The following XKR9 variants were observed in gnomAD, a reference collection of about 807,000 sequenced individuals.
XKR9 encodes the protein XK-related protein 9.
A neutral mutation model predicts 32.0 loss-of-function variants in XKR9; 32 were observed. That is an observed-to-expected ratio of 1.00 (90% CI 0.76 to 1.34). The LOEUF is 1.34. Ranked by LOEUF, XKR9 falls within the 40% of genes most tolerant of loss-of-function variation. XKR9 has a pLI of 0.00. For missense variants in XKR9, 546 were observed against 429.7 expected, an observed-to-expected ratio of 1.27 and a Z score of -2.39; for synonymous variants, 168 against 143.4, an observed-to-expected ratio of 1.17 and a Z score of -1.22.
chr8:70,781,216 T>C (rs1004801199), intron 2 of XKR9, among the ~76,000 whole-genome samples: 1 of 152,168 alleles, frequency 6.6e-6, no homozygotes, highest in Non-Finnish European at 1.5e-5. Context: ...CACTTGTGTA[T>C]CTTTTTTGGA....
At chr8:70,985,669 T>C in the XKR9 span, among the ~76,000 whole-genome samples, 1 of 152,222 alleles carries the variant, frequency 6.6e-6, no homozygotes, top group Non-Finnish European at 1.5e-5. Context: ...TTTTTCTTTC[T>C]TCCTTTTTCA....
At chr8:70,693,817 G>T (rs1165853068) in intron 3 of XKR9, among the ~76,000 whole-genome samples, 1 of 152,216 alleles carries the variant, frequency 6.6e-6, no homozygotes, top group Admixed American at 6.5e-5. Flanking sequence ...CTCATTGGAG[G>T]TGTGGATAAG....
chr8:70,876,218 C>CTT, the XKR9 span, among the ~76,000 whole-genome samples: 76 of 101,454 alleles, frequency 7.5e-4, no homozygotes, highest in Non-Finnish European at 1.1e-3. Flanking sequence ...AAGATTCGTT[C>CTT]TTTTTTTTTT....
the XKR9 span, among the ~76,000 whole-genome samples, chr8:70,883,138 C>A: frequency 6.6e-6 from 1 of 151,576 alleles, no homozygotes; most frequent in Non-Finnish European, 1.5e-5. Context: ...TTCCCAACCT[C>A]CCCCAACAAT....
At chr8:70,702,299 A>T (rs1014750973) in intron 3 of XKR9, among the ~76,000 whole-genome samples, 3 of 152,152 alleles carry the variant, frequency 2.0e-5, no homozygotes, top group African/African-American at 7.2e-5. Context: ...ACTTCATAGG[A>T]TTACAGTCTT....
chr8:70,800,296 C>T, the XKR9 span, among the ~76,000 whole-genome samples: 3 of 152,140 alleles, frequency 2.0e-5, no homozygotes, highest in Non-Finnish European at 4.4e-5. Flanking sequence ...CATCAATATT[C>T]ATCAAGGATA....
At chr8:71,005,642 G>A in the XKR9 span, among the ~76,000 whole-genome samples, 1 of 152,208 alleles carries the variant, frequency 6.6e-6, no homozygotes, top group Non-Finnish European at 1.5e-5. Context: ...AATATGGGGA[G>A]TTTTGAAATA....
chr8:70,959,392 T>C, the XKR9 span, among the ~76,000 whole-genome samples: 1 of 152,218 alleles, frequency 6.6e-6, no homozygotes, highest in Admixed American at 6.5e-5. Context: ...ATCTAATTAA[T>C]TCTCTTTAAT....
chr8:70,960,471 C>T, the XKR9 span, among the ~76,000 whole-genome samples: 4 of 152,242 alleles, frequency 2.6e-5, no homozygotes, highest in South Asian at 8.3e-4. Context: ...CATACTTGTC[C>T]AATGGGAGCC....
intron 2 of XKR9, among the ~76,000 whole-genome samples, chr8:70,787,353 C>T (rs780819832): frequency 2.0e-5 from 3 of 152,062 alleles, no homozygotes; most frequent in Non-Finnish European, 4.4e-5. Flanking sequence ...AGTTGTTTTT[C>T]TCAAAAGACC....
At chr8:70,704,376 A>G (rs987011713) in intron 3 of XKR9, among the ~76,000 whole-genome samples, 10 of 152,180 alleles carry the variant, frequency 6.6e-5, no homozygotes, top group African/African-American at 2.2e-4. Context: ...ACTGGACATT[A>G]AAATGTGTAC....
At chr8:70,676,269 C>A (rs1284129095) in intron 2 of XKR9, among the ~76,000 whole-genome samples, 1 of 152,154 alleles carries the variant, frequency 6.6e-6, no homozygotes, top group East Asian at 1.9e-4. Flanking sequence ...GAGATACACC[C>A]CTATGACCCA....
At chr8:70,793,482 C>T (rs1807790900), downstream of XKR9, among the ~76,000 whole-genome samples, 1 of 152,112 alleles carries the variant, frequency 6.6e-6, no homozygotes, top group African/African-American at 2.4e-5. Context: ...CATCTTGGCA[C>T]TCTGCAGAGT....
the XKR9 span, among the ~76,000 whole-genome samples, chr8:70,853,718 C>T: frequency 3.9e-5 from 6 of 152,140 alleles, no homozygotes; most frequent in Admixed American, 6.5e-5. Flanking sequence ...TGATGTTCCC[C>T]TTCCTGTGTC....
At chr8:71,040,879 GC>G in the XKR9 span, among the ~76,000 whole-genome samples, 5 of 152,110 alleles carry the variant, frequency 3.3e-5, no homozygotes, top group African/African-American at 1.2e-4. Flanking sequence ...TGTGCATAAA[GC>G]TTTTTCTGTT....
At chr8:70,829,026 C>G in the XKR9 span, among the ~76,000 whole-genome samples, 3 of 152,204 alleles carry the variant, frequency 2.0e-5, no homozygotes, top group East Asian at 5.8e-4. Context: ...CCTTGAGAGT[C>G]ATGGTAACAT....
chr8:71,037,430 A>G, the XKR9 span, among the ~76,000 whole-genome samples: 95 of 152,302 alleles, frequency 6.2e-4, 2 homozygotes, highest in South Asian at 0.02. Flanking sequence ...GAACATTTTC[A>G]TTTTATGTAT....
chr8:70,782,678 G>A (rs1454584361), intron 2 of XKR9, among the ~76,000 whole-genome samples: 1 of 152,004 alleles, frequency 6.6e-6, no homozygotes, highest in Non-Finnish European at 1.5e-5. Context: ...TGCAGGATTT[G>A]TCTTTCTTTG....
At chr8:70,721,492 G>A (rs1806279999) in intron 4 of XKR9, among the ~76,000 whole-genome samples, 3 of 152,124 alleles carry the variant, frequency 2.0e-5, no homozygotes, top group South Asian at 2.1e-4. Flanking sequence ...AGAGATTCTG[G>A]TATGTTGTGT....
Sources: allele counts gnomAD v4.1 joint callset (sites outside exome capture counted in the v4.1 genomes callset), GRCh38; gene constraint gnomAD v4.1.1; transcripts MANE v1.5; gene names NCBI Gene and HGNC (gene_info 2026-07-23, HGNC 2026-07-21).